Variants in CLHC1 observed in about 807,000 individuals in gnomAD.
The protein encoded by CLHC1 is clathrin heavy chain linker domain-containing protein 1.
CLHC1 carries 72 observed loss-of-function variants against 69.5 expected under a neutral mutation model. The ratio of observed to expected loss-of-function variants is 1.04; its 90% CI spans 0.86 to 1.26. The LOEUF is 1.26. CLHC1 is among the 50% of genes most tolerant of loss of function. The probability of loss-of-function intolerance (pLI) is 0.00; values close to 1 mark genes in which losing one functional copy is unlikely to be tolerated. For synonymous variants in CLHC1, 223 were observed against 224.3 expected, an observed-to-expected ratio of 0.99 and a Z score of 0.05; for missense variants, 790 against 679.3, an observed-to-expected ratio of 1.16 and a Z score of -1.81.
rs189839122 is a variant in CLHC1 at position 55,178,134 on chromosome 2, C to T, written c.1385-353G>A. ...ACTTACTCTTTTGGAACTCAGTTTTCACATCTGAAAAGTGTAGTATTAGAG... is the reference window on the plus strand; with the variant it reads ...ACTTACTCTTTTGGAACTCAGTTTTTACATCTGAAAAGTGTAGTATTAGAG... On this transcript the variant is annotated intron_variant, in intron 11 of 12. Coordinates refer to ENST00000401408, the MANE Select transcript of CLHC1 (RefSeq NM_152385.4). Among the ~76,000 whole-genome samples the T allele has an allele frequency of 1.7e-3, 253 of 152,276 alleles. 2 individuals are homozygous for T. The Middle Eastern group carries it at 0.017, about 10-fold the overall frequency.
At chr2:55,213,286 T>C (rs1186847531) in intron 4 of CLHC1, among the ~76,000 whole-genome samples, 2 of 152,148 alleles carry the variant, frequency 1.3e-5, no homozygotes, top group Non-Finnish European at 2.9e-5. Flanking sequence ...TCCTTGCCTT[T>C]TCCAGCCTTG....
chr2:55,182,038 T>G (rs1573597484), intron 9 of CLHC1, among the ~76,000 whole-genome samples: 1 of 152,020 alleles, frequency 6.6e-6, no homozygotes, highest in Non-Finnish European at 1.5e-5. Context: ...GAATCTCCCT[T>G]AGAGCCTCCA....
rs1313734311 is a variant in CLHC1, at chr2:55,172,924, C to T, written c.*2866G>A. Among the ~76,000 whole-genome samples the T allele has an allele frequency of 6.6e-6, 1 of 152,112 alleles. No homozygotes were observed. Among genetic ancestry groups the T allele is most frequent in the Non-Finnish European group, 1.5e-5 (1 of 68,002 alleles). ...TAGACTTCTGTTCAACATCTCTAAA[C>T]CTTTCCAAATGAATGAATTTAATAG... On this transcript the variant is annotated 3_prime_UTR_variant, in exon 13 of 13. Coordinates refer to ENST00000401408, the MANE Select transcript of CLHC1 (RefSeq NM_152385.4).
intron 9 of CLHC1, among the ~76,000 whole-genome samples, chr2:55,182,589 G>C (rs1370013343): frequency 6.6e-6 from 1 of 152,136 alleles, no homozygotes; most frequent in Non-Finnish European, 1.5e-5. Flanking sequence ...TCAAAGTCAA[G>C]TGAGACAGTT....
chr2:55,184,672 T>C (rs1444130821), intron 9 of CLHC1, among the ~76,000 whole-genome samples: 3 of 152,024 alleles, frequency 2.0e-5, no homozygotes, highest in Admixed American at 1.3e-4. Flanking sequence ...TTTGGGAGGC[T>C]AATGCAGGTG....
chr2:55,189,460 T>C (rs1276524063), intron 9 of CLHC1, among the ~76,000 whole-genome samples: 2 of 152,212 alleles, frequency 1.3e-5, no homozygotes, highest in African/African-American at 4.8e-5. Context: ...CATAAGGCAG[T>C]GAAGGATAGT....
rs528985363 is a variant in CLHC1 at position 55,196,962 on chromosome 2, C to G, written c.1006+9308G>C. ...GGACCTAGCCTGAACTAGAGGGGAG[C>G]CCACTGCCCTGAGGGGTGAGTTTCA... On this transcript the variant is annotated intron_variant, in intron 9 of 12. Coordinates refer to ENST00000401408, the MANE Select transcript of CLHC1 (RefSeq NM_152385.4). Among the ~76,000 whole-genome samples, 33 of 152,254 alleles carry G rather than the reference C, an allele frequency of 2.2e-4. No homozygotes were observed. The South Asian group carries it at 6.8e-3, about 32-fold the overall frequency.
intron 9 of CLHC1, among the ~76,000 whole-genome samples, chr2:55,188,483 C>T: frequency 6.6e-6 from 1 of 152,004 alleles, no homozygotes; most frequent in Admixed American, 6.6e-5. Context: ...CATAGGAAAT[C>T]GCATACGTTA....
chr2:55,199,057 G>A (rs1021606248), intron 9 of CLHC1, among the ~76,000 whole-genome samples: 12 of 152,080 alleles, frequency 7.9e-5, no homozygotes, highest in African/African-American at 2.9e-4. Context: ...AGCACTTTGG[G>A]AGACCGAGGT....
chr2:55,180,668 C>G lies in CLHC1; in HGVS notation c.1226G>C (p.Gly409Ala), dbSNP rs1372802940. ...GGCCTTGTTATAAGTATCCTGCTCC[C>G]CATAATCACAAATCACATCCCCAGC... ...EEAGDVICDYGEQDTYNKAKC... is the reference protein window; with the variant it reads ...EEAGDVICDYAEQDTYNKAKC... The change falls in exon 11 of 13, where the codon GGG becomes GCG. Residue 409 changes from glycine to alanine, a missense_variant. By Grantham distance (60) the Gly-to-Ala change is moderately conservative. Transcript: ENST00000401408. 11 of 1,613,968 alleles carry G rather than the reference C, an allele frequency of 6.8e-6. No homozygotes were observed. The highest frequency in any genetic ancestry group is 3.3e-4 in the Middle Eastern group (2 of 6,060).
intron 4 of CLHC1, 26 bp from the exon 5 acceptor site, chr2:55,212,832 G>A (rs772299933): frequency 5.2e-6 from 8 of 1,530,406 alleles, no homozygotes; most frequent in Non-Finnish European, 7.2e-6. Flanking sequence ...GCTTTCTTAT[G>A]TCTTTCAACT....
intron 3 of CLHC1, 110 bp downstream of exon 3, chr2:55,222,125 T>G: frequency 1.4e-6 from 1 of 737,786 alleles, no homozygotes; most frequent in Non-Finnish European, 2.2e-6. Flanking sequence ...AATCAGCAAA[T>G]GGAATGTTAT....
intron 12 of CLHC1, among the ~76,000 whole-genome samples, chr2:55,177,317 T>C (rs1462471726): frequency 2.6e-5 from 4 of 152,258 alleles, no homozygotes; most frequent in South Asian, 4.1e-4. Context: ...AATATACACA[T>C]ATGTCAATAT....
At chr2:55,182,992 C>A (rs960952249) in intron 9 of CLHC1, among the ~76,000 whole-genome samples, 7 of 152,148 alleles carry the variant, frequency 4.6e-5, no homozygotes, top group African/African-American at 1.7e-4. Flanking sequence ...AACTAGGAGG[C>A]AACATTGGGC....
At chr2:55,214,712 G>T (rs1486334545) in intron 4 of CLHC1, 1 of 152,118 alleles carries the variant, frequency 6.6e-6, no homozygotes, top group African/African-American at 2.4e-5. Flanking sequence ...TCAAAAATAA[G>T]CAGGTTTTCA....
intron 9 of CLHC1, among the ~76,000 whole-genome samples, chr2:55,188,061 C>T (rs953371918): frequency 6.6e-6 from 1 of 152,126 alleles, no homozygotes; most frequent in African/African-American, 2.4e-5. Context: ...CACCTGTAAT[C>T]CCAGCATTTT....
At chr2:55,211,736 A>G (rs1168508658) in intron 5 of CLHC1, among the ~76,000 whole-genome samples, 1 of 152,062 alleles carries the variant, frequency 6.6e-6, no homozygotes, top group Non-Finnish European at 1.5e-5. Flanking sequence ...CTTTTCTCAA[A>G]GTCTTTCTTT....
chr2:55,192,994 G>A (rs530251729), intron 9 of CLHC1, among the ~76,000 whole-genome samples: 9 of 150,936 alleles, frequency 6.0e-5, no homozygotes, highest in African/African-American at 1.9e-4. Flanking sequence ...GGGTTCAAGC[G>A]ATTCTCCTGC....
In CLHC1 at chr2:55,224,242, AGC is replaced by A. The variant is rs112874095; in HGVS notation, c.-82-1751_-82-1750del. On this transcript the variant is annotated intron_variant, in intron 2 of 12. Transcript: ENST00000401408. Reference sequence around the variant, plus strand: ...AGGTCACAGCCAGGAGCCAGGGGCCAGCTGATAATGTACTTGATTCCACAGTC... The same window carrying A: ...AGGTCACAGCCAGGAGCCAGGGGCCATGATAATGTACTTGATTCCACAGTC... The A allele has an allele frequency of 1.1e-3, 345 of 325,822 alleles. 3 individuals carry two copies. The highest frequency in any genetic ancestry group is 7.0e-3 in the African/African-American group (322 of 46,122). The allele number at this position is 325,822 out of a possible 1,614,324, so 20.2% of individuals were successfully genotyped here. A position where few individuals can be genotyped will look rare whatever the true frequency, so the allele number is the denominator to read the frequency against.
Sources: allele counts gnomAD v4.1 joint callset (sites outside exome capture counted in the v4.1 genomes callset), GRCh38; gene constraint gnomAD v4.1.1; transcripts MANE v1.5; gene names NCBI Gene and HGNC (gene_info 2026-07-23, HGNC 2026-07-21).